Variants in CYP7B1 observed in about 807,000 individuals in gnomAD.
CYP7B1 encodes the protein cytochrome P450 7B1.
In CYP7B1, 29 loss-of-function variants were observed where a neutral mutation model predicts 42.7. The ratio of observed to expected loss-of-function variants is 0.68; its 90% CI spans 0.51 to 0.93. The LOEUF is 0.93. Ranked by LOEUF, CYP7B1 falls within the 40% of genes least tolerant of loss-of-function variation. The pLI is 0.00. For synonymous variants in CYP7B1, 235 were observed against 218.2 expected (o/e 1.08, Z -0.68); for missense variants, 655 against 600.5 (o/e 1.09, Z -0.95).
At chr8:64,749,287 G>T (rs1807693425) in intron 1 of CYP7B1, among the ~76,000 whole-genome samples, 1 of 152,026 alleles carries the variant, frequency 6.6e-6, no homozygotes, top group South Asian at 2.1e-4. Context: ...CACCATGTTG[G>T]CCAGGCTGGT....
At chr8:64,664,813 G>A (rs1806251343) in intron 1 of CYP7B1, among the ~76,000 whole-genome samples, 1 of 152,072 alleles carries the variant, frequency 6.6e-6, no homozygotes, top group Non-Finnish European at 1.5e-5. Flanking sequence ...CTATCCTAAG[G>A]GTACTGAAGC....
chr8:64,677,706 G>GTTTTT (rs11435388), intron 1 of CYP7B1, among the ~76,000 whole-genome samples: 5 of 86,390 alleles, frequency 5.8e-5, no homozygotes, highest in South Asian at 5.0e-4. Context: ...ACACTCCTTG[G>GTTTTT]TTTTTTTTTT....
intron 1 of CYP7B1, among the ~76,000 whole-genome samples, chr8:64,698,341 A>T: frequency 6.6e-6 from 1 of 150,894 alleles, no homozygotes; most frequent in South Asian, 2.1e-4. Flanking sequence ...CAGGGGGGGG[A>T]AAAAAACTAA....
chr8:64,639,315 T>C (rs976768732), intron 1 of CYP7B1, among the ~76,000 whole-genome samples: 1 of 152,114 alleles, frequency 6.6e-6, no homozygotes. Context: ...AGCATTGGTA[T>C]GAAAGAATTA....
intron 1 of CYP7B1, among the ~76,000 whole-genome samples, chr8:64,672,792 G>A (rs1302286851): frequency 6.6e-6 from 1 of 152,110 alleles, no homozygotes; most frequent in Non-Finnish European, 1.5e-5. Context: ...ACTTCTGAGT[G>A]TGAATGTAAT....
intron 1 of CYP7B1, among the ~76,000 whole-genome samples, chr8:64,724,201 G>A (rs917129636): frequency 2.6e-5 from 4 of 151,922 alleles, no homozygotes; most frequent in African/African-American, 7.3e-5. Flanking sequence ...GTGCAGTGGC[G>A]CAATCTCGAT....
chr8:64,771,597 T>C (rs1037148010), intron 1 of CYP7B1, among the ~76,000 whole-genome samples: 1 of 152,210 alleles, frequency 6.6e-6, no homozygotes, highest in Non-Finnish European at 1.5e-5. Context: ...AAAACTGGCC[T>C]CAGGTGCAGG....
Position 64,798,579 on chromosome 8 carries a change from T to C in CYP7B1, c.9A>G (p.Gly3=). 1 of 1,471,320 alleles carries C rather than the reference T, an allele frequency of 6.8e-7. No homozygotes were observed. The highest frequency in any genetic ancestry group is 8.9e-7 in the Non-Finnish European group (1 of 1,121,106). The allele number at this position is 1,471,320 out of a possible 1,614,324, so 91.1% of individuals were successfully genotyped here. MA[G]EVSAATGRFS... ...AGCGGCCCGTGGCCGCGGACACTTC[T>C]CCTGCCATCCGGCGCGCGCTAGGCC... The change falls in exon 1 of 6, where the codon GGA becomes GGG. Residue 3 remains glycine, a synonymous_variant. Coordinates refer to ENST00000310193, the MANE Select transcript of CYP7B1 (RefSeq NM_004820.5).
intron 1 of CYP7B1, among the ~76,000 whole-genome samples, chr8:64,760,082 A>G (rs1807863886): frequency 6.6e-6 from 1 of 152,174 alleles, no homozygotes; most frequent in Non-Finnish European, 1.5e-5. Flanking sequence ...AAAACCCCAG[A>G]AGTAAACTCA....
chr8:64,650,609 T>C (rs1014512315), intron 1 of CYP7B1, among the ~76,000 whole-genome samples: 1 of 152,106 alleles, frequency 6.6e-6, no homozygotes, highest in African/African-American at 2.4e-5. Flanking sequence ...GATCGTGCTG[T>C]TGCACTCCAT....
Position 64,615,085 on chromosome 8 carries a change from T to G in CYP7B1, c.998A>C (p.Lys333Thr). ...DRLLQSTGQK[K>T]GSGFPIHLTR... ...GAGGTGGATGGGAAATCCAGACCCT[T>G]TCTTTTGACCTGTTGACTGCAGCAA... is the stretch of plus-strand genomic sequence containing the variant. Residue 333 changes from lysine to threonine, a missense_variant, in exon 4 of 6, where the codon AAA becomes ACA. Lys to Thr is a moderately conservative substitution (Grantham distance 78). Coordinates refer to ENST00000310193, the MANE Select transcript of CYP7B1 (RefSeq NM_004820.5). 1 of 1,613,676 alleles carries G rather than the reference T, an allele frequency of 6.2e-7. No homozygotes were observed.
At chr8:64,657,704 AC>A (rs1215732263) in intron 1 of CYP7B1, among the ~76,000 whole-genome samples, 1 of 152,228 alleles carries the variant, frequency 6.6e-6, no homozygotes, top group Non-Finnish European at 1.5e-5. Flanking sequence ...ACAAAACATC[AC>A]CTGTAATCCA....
intron 1 of CYP7B1, among the ~76,000 whole-genome samples, chr8:64,639,212 C>T (rs1217288187): frequency 6.6e-6 from 1 of 152,002 alleles, no homozygotes; most frequent in Admixed American, 6.6e-5. Flanking sequence ...TCAAAATACT[C>T]TTAATTATTG....
At chr8:64,766,055 G>A (rs1807968855) in intron 1 of CYP7B1, among the ~76,000 whole-genome samples, 2 of 152,148 alleles carry the variant, frequency 1.3e-5, no homozygotes, top group African/African-American at 4.8e-5. Context: ...TCTCAGTCAG[G>A]TCAATGATAG....
rs57345617 is a variant in CYP7B1, at chr8:64,669,726, T to TAC, written c.123-45189_123-45188dup. 9.2e-3 allele frequency among the ~76,000 whole-genome samples: 1,196 copies of TAC among 129,818 alleles called. 10 individuals are homozygous for TAC. Among genetic ancestry groups the TAC allele is most frequent in the East Asian group, 0.071 (266 of 3,744 alleles). The allele number at this position is 129,818 out of a possible 152,430, so 85.2% of individuals were successfully genotyped here. On this transcript the variant is annotated intron_variant, in intron 1 of 5. Transcript: ENST00000310193. The stretch of plus-strand genomic sequence containing the variant: ...GGAGGGAATGAAGGTTTTACATACA[T>TAC]ACACACACACACACACACACATACA...
chr8:64,679,894 G>A (rs1296080285), intron 1 of CYP7B1, among the ~76,000 whole-genome samples: 1 of 152,042 alleles, frequency 6.6e-6, no homozygotes. Context: ...GTTTTCTGTT[G>A]TTTTTCCTTT....
chr8:64,633,502 C>T (rs555559734), intron 1 of CYP7B1, among the ~76,000 whole-genome samples: 1 of 152,216 alleles, frequency 6.6e-6, no homozygotes, highest in Admixed American at 6.5e-5. Flanking sequence ...ATACTACTTA[C>T]ATTAATCAAA....
At chr8:64,738,150 G>C (rs924127271) in intron 1 of CYP7B1, among the ~76,000 whole-genome samples, 13 of 152,150 alleles carry the variant, frequency 8.5e-5, no homozygotes, top group Non-Finnish European at 1.2e-4. Flanking sequence ...ACTGAGAAAA[G>C]AATTTACTTC....
At chr8:64,691,005 T>TAACG (rs1182919311) in intron 1 of CYP7B1, among the ~76,000 whole-genome samples, 3 of 152,208 alleles carry the variant, frequency 2.0e-5, no homozygotes, top group Non-Finnish European at 4.4e-5. Flanking sequence ...TTCTGTTCTA[T>TAACG]AACGCTCTGG....
Sources: allele counts gnomAD v4.1 joint callset (sites outside exome capture counted in the v4.1 genomes callset), GRCh38; gene constraint gnomAD v4.1.1; transcripts MANE v1.5; gene names NCBI Gene and HGNC (gene_info 2026-07-23, HGNC 2026-07-21).